Variants in CSDC2 observed in about 807,000 individuals in gnomAD.
CSDC2 encodes cold shock domain-containing protein C2.
In CSDC2, 8 loss-of-function variants were observed where a neutral mutation model predicts 15.8. That is an observed-to-expected ratio of 0.51 (90% CI 0.30 to 0.92). CSDC2 has a LOEUF of 0.92. Ranked by LOEUF, CSDC2 falls within the 40% of genes least tolerant of loss-of-function variation. The probability of loss-of-function intolerance (pLI) is 0.07; values close to 1 mark genes in which losing one functional copy is unlikely to be tolerated. For synonymous variants in CSDC2, 96 were observed against 92.3 expected (o/e 1.04, Z -0.23); for missense variants, 195 against 213.3 (o/e 0.91, Z 0.53).
At chr22:41,564,893 C>A (rs747461909) in intron 1 of CSDC2, among the ~76,000 whole-genome samples, 1 of 152,056 alleles carries the variant, frequency 6.6e-6, no homozygotes, top group South Asian at 2.1e-4. Flanking sequence ...TACAGTCAGG[C>A]GCGGTGGCTC....
chr22:41,565,622 G>C (rs203310), intron 1 of CSDC2, among the ~76,000 whole-genome samples: 2,588 of 152,168 alleles, frequency 0.017, 84 homozygotes, highest in African/African-American at 0.058. Context: ...AGAGAACCAT[G>C]ACAACCATTT....
rs754440261 is a variant in CSDC2 at position 41,572,036 on chromosome 22, C to A, written c.71C>A (p.Thr24Asn). Residue 24 changes from threonine to asparagine, a missense_variant, in exon 2 of 4, where the codon ACC (threonine) becomes AAC (asparagine). Thr to Asn is a moderately conservative substitution (Grantham distance 65). Transcript: ENST00000306149. ...TCCCCCAAGTCCCCAGTCTGGCCCACCTTCCCCTTCCACAGGGAGGGCAGC... is the reference window on the plus strand; with the variant it reads ...TCCCCCAAGTCCCCAGTCTGGCCCAACTTCCCCTTCCACAGGGAGGGCAGC... ...LHSPKSPVWP[T>N]FPFHREGSRV... 7.3e-7 allele frequency: 1 copy of A among 1,363,180 alleles called. No homozygotes were observed. Among genetic ancestry groups the A allele is most frequent in the Non-Finnish European group, 9.5e-7 (1 of 1,056,266 alleles). 84.4% of individuals were successfully genotyped at this position (1,363,180 alleles called of 1,614,324 possible).
intron 1 of CSDC2, among the ~76,000 whole-genome samples, chr22:41,566,470 C>CAA (rs2067115551): frequency 7.9e-6 from 1 of 126,528 alleles, no homozygotes; most frequent in African/African-American, 3.0e-5. Flanking sequence ...AAAAAAAACA[C>CAA]ACAAAAATTA....
At chr22:41,564,100 A>G (rs1033450110) in intron 1 of CSDC2, among the ~76,000 whole-genome samples, 14 of 147,130 alleles carry the variant, frequency 9.5e-5, no homozygotes, top group East Asian at 4.0e-4. Context: ...AAAAAAAAAA[A>G]AAGAAGAAGA....
chr22:41,569,777 CTTTTTTTTTTT>C (rs372029264), intron 1 of CSDC2, among the ~76,000 whole-genome samples: 3 of 107,942 alleles, frequency 2.8e-5, no homozygotes, highest in African/African-American at 7.3e-5. Flanking sequence ...TGTGTGGTTG[CTTTTTTTTTTT>C]TTTTTTTTTT....
rs1461175524 is a variant in CSDC2 at position 41,575,095 on chromosome 22, G to A, written c.*200G>A. 13 of 677,402 alleles carry A rather than the reference G, an allele frequency of 1.9e-5. No individual in the cohort carries two copies. Among genetic ancestry groups the A allele is most frequent in the Non-Finnish European group, 2.9e-5 (12 of 410,748 alleles). The allele number at this position is 677,402 out of a possible 1,614,324, so 42.0% of individuals were successfully genotyped here. On this transcript the variant is annotated 3_prime_UTR_variant, in exon 4 of 4. Coordinates refer to ENST00000306149, the MANE Select transcript of CSDC2 (RefSeq NM_014460.4). ...ACGACCCGTGACTACTGTGCAAGCTGGCCAGGAGGTAGGTGGAGGGCAAGG... is the reference window on the plus strand; with the variant it reads ...ACGACCCGTGACTACTGTGCAAGCTAGCCAGGAGGTAGGTGGAGGGCAAGG...
chr22:41,565,311 G>A (rs1295117991), intron 1 of CSDC2, among the ~76,000 whole-genome samples: 1 of 149,194 alleles, frequency 6.7e-6, no homozygotes, highest in African/African-American at 2.5e-5. Flanking sequence ...TTAATCGGGT[G>A]TGGTGGTGCA....
At chr22:41,562,931 A>AG (rs1286658226) in intron 1 of CSDC2, among the ~76,000 whole-genome samples, 1 of 151,952 alleles carries the variant, frequency 6.6e-6, no homozygotes, top group African/African-American at 2.4e-5. Flanking sequence ...TCCTCTCTCT[A>AG]GGGGGTCTCA....
At chr22:41,568,134 C>CTTTTTTTTTTTT (rs66884544) in intron 1 of CSDC2, among the ~76,000 whole-genome samples, 1,654 of 109,500 alleles carry the variant, frequency 0.015, 180 homozygotes, top group African/African-American at 0.05. Context: ...CTCTCCCTCT[C>CTTTTTTTTTTTT]TTTTTTTTGA....
chr22:41,568,195 A>G (rs7290561), intron 1 of CSDC2, among the ~76,000 whole-genome samples: 5,863 of 125,978 alleles, frequency 0.047, 258 homozygotes, highest in African/African-American at 0.11. Flanking sequence ...CTTGATTACC[A>G]CTCACTGCAG....
intron 1 of CSDC2, among the ~76,000 whole-genome samples, chr22:41,562,585 G>C (rs1308066542): frequency 6.6e-6 from 1 of 152,100 alleles, no homozygotes; most frequent in Non-Finnish European, 1.5e-5. Flanking sequence ...CAGATGGCTG[G>C]TGGGGAGGGG....
At chr22:41,572,906 C>T (rs114750838) in intron 2 of CSDC2, among the ~76,000 whole-genome samples, 2,237 of 152,266 alleles carry the variant, frequency 0.015, 58 homozygotes, top group African/African-American at 0.052. Flanking sequence ...GACAGGGTCT[C>T]GCTCTGTTGC....
At chr22:41,564,275 T>C (rs1040309874) in intron 1 of CSDC2, among the ~76,000 whole-genome samples, 1 of 151,252 alleles carries the variant, frequency 6.6e-6, no homozygotes, top group African/African-American at 2.4e-5. Context: ...TATTATTGTT[T>C]TTGAGACAGA....
chr22:41,561,901 G>A (rs1263847283), intron 1 of CSDC2, among the ~76,000 whole-genome samples: 5 of 152,170 alleles, frequency 3.3e-5, no homozygotes, highest in African/African-American at 1.2e-4. Flanking sequence ...ACTTAGGGTG[G>A]CCTTGGCTGG....
At chr22:41,567,887 G>C (rs879818453) in intron 1 of CSDC2, among the ~76,000 whole-genome samples, 1 of 152,222 alleles carries the variant, frequency 6.6e-6, no homozygotes, top group African/African-American at 2.4e-5. Context: ...GGAGCTTTGA[G>C]GGGTGGGCGA....
chr22:41,563,859 C>T (rs367588834), intron 1 of CSDC2, among the ~76,000 whole-genome samples: 17 of 150,770 alleles, frequency 1.1e-4, no homozygotes, highest in African/African-American at 2.7e-4. Context: ...ATCACGAGGT[C>T]GGGAGATCGA....
At position 41,576,641 on chromosome 22, in the gene CSDC2, G is replaced by A; in HGVS notation, c.*1746G>A. On this transcript the variant is annotated 3_prime_UTR_variant, in exon 4 of 4. Coordinates refer to ENST00000306149, the MANE Select transcript of CSDC2 (RefSeq NM_014460.4). The stretch of plus-strand genomic sequence containing the variant: ...AGACCCCCCATTCTTCCTAACACTG[G>A]CAATAAACCCTCAACTGTGACCCAC... 1 of 156,856 alleles carries A rather than the reference G, an allele frequency of 6.4e-6. No homozygotes were observed. Among genetic ancestry groups the A allele is most frequent in the Non-Finnish European group, 1.4e-5 (1 of 70,986 alleles). The allele number at this position is 156,856 out of a possible 1,614,324, so 9.7% of individuals were successfully genotyped here. A position where few individuals can be genotyped will look rare whatever the true frequency, so the allele number is the denominator to read the frequency against.
In CSDC2 at chr22:41,575,417, TG is replaced by T. The variant is rs1313700910; in HGVS notation, c.*524del. On this transcript the variant is annotated 3_prime_UTR_variant, in exon 4 of 4. Transcript: ENST00000306149. ...TGCTTTTGGGGAGCCTCTCAGCCTC[TG>T]GCAGGGGAGGAGGACTGACACGGAG... 1 of 156,164 alleles carries T rather than the reference TG, an allele frequency of 6.4e-6. No individual in the cohort carries two copies. Among genetic ancestry groups the T allele is most frequent in the East Asian group, 1.9e-4 (1 of 5,298 alleles). 9.7% of individuals were successfully genotyped at this position (156,164 alleles called of 1,614,324 possible). A position where few individuals can be genotyped will look rare whatever the true frequency, so the allele number is the denominator to read the frequency against.
At position 41,575,040 on chromosome 22, in the gene CSDC2, T is replaced by A. The variant is rs2067168110; in HGVS notation, c.*145T>A. The A allele has an allele frequency of 3.0e-6, 3 of 1,013,542 alleles. No individual in the cohort carries two copies. The highest frequency in any genetic ancestry group is 4.2e-6 in the Non-Finnish European group (3 of 705,940). The allele number at this position is 1,013,542 out of a possible 1,614,324, so 62.8% of individuals were successfully genotyped here. A position where few individuals can be genotyped will look rare whatever the true frequency, so the allele number is the denominator to read the frequency against. ...ACGTCTGTCTGTCCGTCTGTGCTTG[T>A]GGCTATGAGCGTGTGCCTCCACCCA... On this transcript the variant is annotated 3_prime_UTR_variant, in exon 4 of 4. Transcript: ENST00000306149.
Sources: allele counts gnomAD v4.1 joint callset (sites outside exome capture counted in the v4.1 genomes callset), GRCh38; gene constraint gnomAD v4.1.1; transcripts MANE v1.5; gene names NCBI Gene and HGNC (gene_info 2026-07-23, HGNC 2026-07-21).